MAP3K4: variants seen among roughly 807,000 people sequenced by gnomAD.
MAP3K4 encodes MAP three kinase 1.
In MAP3K4, 67 loss-of-function variants were observed where a neutral mutation model predicts 185.6. The ratio of observed to expected loss-of-function variants is 0.36; its 90% CI spans 0.30 to 0.44. The LOEUF (loss-of-function observed/expected upper bound fraction) is 0.44, where lower values mean the gene tolerates loss of function less well. MAP3K4 is among the 20% of genes least tolerant of loss of function. The probability of loss-of-function intolerance (pLI) is 1.00; values close to 1 mark genes in which losing one functional copy is unlikely to be tolerated. For missense variants in MAP3K4, 1,551 were observed against 1,995.1 expected (o/e 0.78, Z 4.24); for synonymous variants, 702 against 710.4 (o/e 0.99, Z 0.19).
intron 1 of MAP3K4, among the ~76,000 whole-genome samples, chr6:161,032,772 TTAAA>T (rs1440698391): frequency 2.6e-5 from 4 of 152,220 alleles, no homozygotes; most frequent in Non-Finnish European, 2.9e-5. Flanking sequence ...GTTATGAGAC[TTAAA>T]TAATGTAGTT....
chr6:161,070,827 C>T lies in MAP3K4; in HGVS notation c.1927C>T (p.Pro643Ser). ...LRLEQRPAGE[P>S]SLLSIKQLVR... ...ATTGGAGCAGAGACCTGCTGGAGAA[C>T]CATCTCTCTTGAGTATTAAGCAGGT... Residue 643 changes from proline (P) to serine (S), a missense_variant, in exon 4 of 27, where the codon CCA becomes TCA. Pro to Ser is a moderately conservative substitution (Grantham distance 74). Transcript: ENST00000392142. This position sits in a 1 kb window ranked among gnomAD's most constrained non-coding sequence, Gnocchi z 4.5. The T allele has an allele frequency of 6.2e-7, 1 of 1,613,260 alleles. No homozygotes were observed. The highest frequency in any genetic ancestry group is 8.5e-7 in the Non-Finnish European group (1 of 1,179,574).
intron 17 of MAP3K4, among the ~76,000 whole-genome samples, chr6:161,099,314 A>G (rs1032972823): frequency 2.6e-5 from 4 of 152,236 alleles, no homozygotes; most frequent in African/African-American, 4.8e-5. Context: ...ATTTTAAAAC[A>G]GACTAAAATG....
In MAP3K4 at chr6:161,116,715, G is replaced by A. The variant is rs116544468; in HGVS notation, c.4807-135G>A. On this transcript the variant is annotated intron_variant, in intron 26 of 26. Transcript: ENST00000392142. The surrounding 1 kb of genome is among the most constrained non-coding windows in gnomAD (Gnocchi z 6.2). ...TTGTTCATTACATTTCTTAAGCCTT[G>A]CCCTCTGTGCCCAGTACAGTGCTGG... 2.6e-3 allele frequency: 1,775 copies of A among 691,276 alleles called. 18 individuals carry two copies. In the African/African-American group the frequency reaches 0.028, roughly 11 times the overall value. 42.8% of individuals were successfully genotyped at this position (691,276 alleles called of 1,614,324 possible). A position where few individuals can be genotyped will look rare whatever the true frequency, so the allele number is the denominator to read the frequency against.
chr6:160,998,143 A>G (rs765438672), intron 1 of MAP3K4, among the ~76,000 whole-genome samples: 5 of 152,228 alleles, frequency 3.3e-5, no homozygotes, highest in African/African-American at 1.2e-4. Context: ...AGTAGGTGGT[A>G]CTACAGGTGC....
rs1778209744 is a variant in MAP3K4 at position 161,108,567 on chromosome 6, T to C, written c.4120-176T>C. ...TGTGCCCGGGACCTACCCGCACTTCTATGACTTCACTCTAGCTTGGCTAAA... is the reference window on the plus strand; with the variant it reads ...TGTGCCCGGGACCTACCCGCACTTCCATGACTTCACTCTAGCTTGGCTAAA... On this transcript the variant is annotated intron_variant, in intron 21 of 26. Coordinates refer to ENST00000392142, the MANE Select transcript of MAP3K4 (RefSeq NM_005922.4). The surrounding 1 kb of genome is among the most constrained non-coding windows in gnomAD (Gnocchi z 5.7). Among the ~76,000 whole-genome samples the C allele has an allele frequency of 6.6e-6, 1 of 152,242 alleles. No homozygotes were observed. Among genetic ancestry groups the C allele is most frequent in the Non-Finnish European group, 1.5e-5 (1 of 68,052 alleles).
In MAP3K4 at chr6:160,999,779, T is replaced by G. The variant is rs536984531; in HGVS notation, c.152+7696T>G. On this transcript the variant is annotated intron_variant, in intron 1 of 26. Coordinates refer to ENST00000392142, the MANE Select transcript of MAP3K4 (RefSeq NM_005922.4). Reference sequence around the variant, plus strand: ...GCCCAGCTTAAGCCCATGTGCACAGTTACTTGGCAACCGTGAAATGCTGTA... The same window carrying G: ...GCCCAGCTTAAGCCCATGTGCACAGGTACTTGGCAACCGTGAAATGCTGTA... Among the ~76,000 whole-genome samples the G allele has an allele frequency of 4.6e-5, 7 of 152,286 alleles. No homozygotes were observed. In the East Asian group the frequency reaches 1.4e-3, roughly 29 times the overall value.
At chr6:161,045,107 A>C (rs1001711844) in intron 2 of MAP3K4, among the ~76,000 whole-genome samples, 2 of 152,208 alleles carry the variant, frequency 1.3e-5, no homozygotes, top group African/African-American at 4.8e-5. Context: ...CTTTTTGCAC[A>C]GTAGCTAGAC....
intron 2 of MAP3K4, among the ~76,000 whole-genome samples, chr6:161,035,037 C>T (rs531420524): frequency 3.7e-4 from 57 of 152,226 alleles, no homozygotes; most frequent in African/African-American, 1.3e-3. Context: ...CGGAGAGTTT[C>T]GTGCTTTTTC....
intron 3 of MAP3K4, among the ~76,000 whole-genome samples, chr6:161,065,163 G>A (rs1784652524): frequency 6.6e-6 from 1 of 152,172 alleles, no homozygotes; most frequent in Non-Finnish European, 1.5e-5. Context: ...GAACTGGGAG[G>A]CAGTGTAGAA....
In MAP3K4 at chr6:161,093,569, G is replaced by C. The variant is rs775196902; in HGVS notation, c.3349-204G>C. On this transcript the variant is annotated intron_variant, in intron 14 of 26. Coordinates refer to ENST00000392142, the MANE Select transcript of MAP3K4 (RefSeq NM_005922.4). This position sits in a 1 kb window ranked among gnomAD's most constrained non-coding sequence, Gnocchi z 5.2. ...GTTATGGGAAATTGACAGCTAATTT[G>C]CTTTTACTTATAAAAATGAAATACA... Among the ~76,000 whole-genome samples the C allele has an allele frequency of 1.3e-5, 2 of 152,080 alleles. No individual in the cohort carries two copies. The highest frequency in any genetic ancestry group is 2.9e-5 in the Non-Finnish European group (2 of 67,992).
rs914975283 is a variant in MAP3K4 at position 161,084,797 on chromosome 6, G to C, written c.2372+180G>C. Among the ~76,000 whole-genome samples the C allele has an allele frequency of 6.6e-6, 1 of 152,172 alleles. No homozygotes were observed. The highest frequency in any genetic ancestry group is 1.5e-5 in the Non-Finnish European group (1 of 68,032). On this transcript the variant is annotated intron_variant, in intron 7 of 26. Coordinates refer to ENST00000392142, the MANE Select transcript of MAP3K4 (RefSeq NM_005922.4). This position sits in a 1 kb window ranked among gnomAD's most constrained non-coding sequence, Gnocchi z 4.6. ...CTTTTCATGTGATTTCTTAGTTATG[G>C]TTTTATGTGAAATTTTCTTTGAAGG...
Position 161,073,336 on chromosome 6 carries a change from G to T in MAP3K4, c.1951-130G>T. 1.3e-6 allele frequency: 1 copy of T among 772,050 alleles called. No homozygotes were observed. The highest frequency in any genetic ancestry group is 2.0e-6 in the Non-Finnish European group (1 of 510,332). The allele number at this position is 772,050 out of a possible 1,614,324, so 47.8% of individuals were successfully genotyped here. On this transcript the variant is annotated intron_variant, in intron 4 of 26. Coordinates refer to ENST00000392142, the MANE Select transcript of MAP3K4 (RefSeq NM_005922.4). This position sits in a 1 kb window ranked among gnomAD's most constrained non-coding sequence, Gnocchi z 4.2. ...ATAAAATGAACTGATCAAGAATCTA[G>T]AAACTATTGTAGGTTTTTTAGAGGC...
intron 3 of MAP3K4, among the ~76,000 whole-genome samples, chr6:161,052,465 T>G (rs1386064334): frequency 6.6e-6 from 1 of 151,952 alleles, no homozygotes; most frequent in Non-Finnish European, 1.5e-5. Context: ...ACTGAAAGAC[T>G]TTATTAGAAT....
At position 161,098,086 on chromosome 6, in the gene MAP3K4, CAAA is replaced by C. The variant is rs920151679; in HGVS notation, c.3525-186_3525-184del. On this transcript the variant is annotated intron_variant, in intron 16 of 26. Coordinates refer to ENST00000392142, the MANE Select transcript of MAP3K4 (RefSeq NM_005922.4). This position sits in a 1 kb window ranked among gnomAD's most constrained non-coding sequence, Gnocchi z 4.4. ...TGGACAACAGGGTGCGATGCTGTCT[CAAA>C]AAAAAGAAAAGCTTTGAAGTTAGGT... 6.6e-6 allele frequency among the ~76,000 whole-genome samples: 1 copy of C among 151,160 alleles called. No homozygotes were observed. The highest frequency in any genetic ancestry group is 1.5e-5 in the Non-Finnish European group (1 of 67,764).
intron 1 of MAP3K4, among the ~76,000 whole-genome samples, chr6:161,018,657 G>C (rs1285521938): frequency 6.6e-6 from 1 of 152,114 alleles, no homozygotes; most frequent in East Asian, 1.9e-4. Flanking sequence ...AACAGAAAAT[G>C]TATAATATCC....
At position 161,089,463 on chromosome 6, in the gene MAP3K4, C is replaced by G; in HGVS notation, c.2965C>G (p.Gln989Glu). The change falls in exon 11 of 27, where the codon CAG becomes GAG. Residue 989 changes from glutamine to glutamate, a missense_variant. This residue lies in a region of MAP3K4 where 261 missense variants were observed against 306.5 expected (regional missense o/e 0.85). Coordinates refer to ENST00000392142, the MANE Select transcript of MAP3K4 (RefSeq NM_005922.4). ...SQPVIAKALQ[Q>E]LKNDALELCN... ...GCCGGTCATCGCCAAAGCTTTGCAGCAGCTGAAGGTATTACACTGTCCTCT... is the reference window on the plus strand; with the variant it reads ...GCCGGTCATCGCCAAAGCTTTGCAGGAGCTGAAGGTATTACACTGTCCTCT... The G allele has an allele frequency of 3.1e-6, 5 of 1,614,190 alleles. No homozygotes were observed. The highest frequency in any genetic ancestry group is 4.2e-6 in the Non-Finnish European group (5 of 1,180,034).
intron 2 of MAP3K4, among the ~76,000 whole-genome samples, chr6:161,038,540 G>A (rs574445537): frequency 3.3e-5 from 5 of 152,276 alleles, no homozygotes; most frequent in South Asian, 2.1e-4. Flanking sequence ...TTAGAACTGC[G>A]GTCAGAGTTG....
intron 1 of MAP3K4, among the ~76,000 whole-genome samples, chr6:160,993,640 T>C (rs1231566682): frequency 6.6e-6 from 1 of 151,970 alleles, no homozygotes; most frequent in Non-Finnish European, 1.5e-5. Flanking sequence ...TGTATAACCC[T>C]ACTCCGGAAA....
At chr6:161,010,179 A>G (rs1337531018) in intron 1 of MAP3K4, among the ~76,000 whole-genome samples, 2 of 152,196 alleles carry the variant, frequency 1.3e-5, no homozygotes, top group Non-Finnish European at 2.9e-5. Flanking sequence ...AGTAGTAACT[A>G]TTATCATAGG....
Sources: gnomAD v4.1 joint callset for allele counts (sites outside exome capture counted in the v4.1 genomes callset) on GRCh38, gnomAD v4.1.1 for gene constraint, gnomAD v4.1.1 regional missense constraint, Gnocchi (gnomAD v3.1) non-coding constraint, MANE v1.5 for transcripts, NCBI Gene and HGNC (gene_info 2026-07-23, HGNC 2026-07-21) for gene names.